Variants in NEK1 observed in about 807,000 individuals in gnomAD.
NEK1 encodes NIMA related kinase 1, also known as serine/threonine-protein kinase Nek1.
In NEK1, 137 loss-of-function variants were observed where a neutral mutation model predicts 182.1. That is an observed-to-expected ratio of 0.75 (90% confidence interval 0.65 to 0.87). NEK1 has a LOEUF of 0.87. Among genes scored for constraint, NEK1 ranks in the 40% least tolerant of loss-of-function variants. The pLI is 0.00. For synonymous variants in NEK1, 513 were observed against 492.2 expected (o/e 1.04, Z -0.56); for missense variants, 1,391 against 1,494.4 (o/e 0.93, Z 1.14).
chr4:169,608,200 T>G (rs757870537), intron 2 of NEK1, among the ~76,000 whole-genome samples: 7 of 152,018 alleles, frequency 4.6e-5, no homozygotes, highest in Non-Finnish European at 1.0e-4. Flanking sequence ...GAAAATTTGT[T>G]TGGCTTAATA....
intron 23 of NEK1, among the ~76,000 whole-genome samples, chr4:169,501,384 A>AG (rs1262939702): frequency 1.3e-5 from 2 of 151,754 alleles, no homozygotes; most frequent in East Asian, 1.9e-4. Context: ...TAAATTGGAC[A>AG]CTTGACCAGT....
rs1162454954 is a variant in NEK1, at chr4:169,477,150, A to G, written c.2408T>C (p.Leu803Pro). 7 of 1,604,128 alleles carry G rather than the reference A, an allele frequency of 4.4e-6. No homozygotes were observed. The highest frequency in any genetic ancestry group is 6.0e-6 in the Non-Finnish European group (7 of 1,174,522). Residue 803 changes from leucine (L) to proline (P), a missense_variant, in exon 26 of 36, where the codon CTA becomes CCA. This residue lies in a region of NEK1 where 1,216 missense variants were observed against 1,277.6 expected (regional missense o/e 0.95). Coordinates refer to ENST00000507142, the MANE Select transcript of NEK1 (RefSeq NM_001199397.3). ...QLVIPLDELT[L>P]DTSFSTTERH... ...TTCAGTTGTAGAGAAGGATGTATCT[A>G]GTGTTAACTCATCCAGAGGAATCAC...
At chr4:169,610,311 TTTC>T (rs1391548496) in intron 2 of NEK1, among the ~76,000 whole-genome samples, 3 of 151,478 alleles carry the variant, frequency 2.0e-5, no homozygotes, top group Admixed American at 2.0e-4. Flanking sequence ...CCAGAATTTC[TTTC>T]TTTTTTTCTT....
chr4:169,535,837 G>A (rs1172656512), intron 19 of NEK1, among the ~76,000 whole-genome samples: 2 of 145,350 alleles, frequency 1.4e-5, no homozygotes, highest in Non-Finnish European at 3.0e-5. Context: ...CCGAGACTGC[G>A]CCACTGCATT....
intron 23 of NEK1, among the ~76,000 whole-genome samples, chr4:169,496,615 G>C (rs201129897): frequency 0.14 from 19,013 of 137,768 alleles, 1,895 homozygotes; most frequent in African/African-American, 0.3. Flanking sequence ...TAGCATGAAG[G>C]GCTGTTGAAT....
chr4:169,511,674 C>T (rs1260327754), intron 19 of NEK1, among the ~76,000 whole-genome samples: 2 of 151,994 alleles, frequency 1.3e-5, no homozygotes, highest in African/African-American at 4.8e-5. Context: ...TTATTTGTGC[C>T]GTGCATCTAC....
At chr4:169,479,634 A>G (rs969039875) in intron 23 of NEK1, 100 bp from the exon 24 acceptor site, 2 of 991,238 alleles carry the variant, frequency 2.0e-6, no homozygotes, top group African/African-American at 1.7e-5. Flanking sequence ...TCTATCCACA[A>G]GTAGTTTTTT....
chr4:169,607,624 G>C (rs1382804325), intron 2 of NEK1, among the ~76,000 whole-genome samples: 1 of 151,860 alleles, frequency 6.6e-6, no homozygotes, highest in Non-Finnish European at 1.5e-5. Context: ...CACCACGCCC[G>C]GCTAATTTTT....
chr4:169,458,796 C>G (rs1406827709), intron 27 of NEK1, among the ~76,000 whole-genome samples: 2 of 149,296 alleles, frequency 1.3e-5, no homozygotes, highest in East Asian at 2.0e-4. Context: ...ACACTGCACT[C>G]CAGCCTGGGC....
At chr4:169,549,852 T>C (rs1395592162) in intron 18 of NEK1, among the ~76,000 whole-genome samples, 1 of 152,218 alleles carries the variant, frequency 6.6e-6, no homozygotes, top group Non-Finnish European at 1.5e-5. Context: ...CCTGAGTTGC[T>C]GAGATTACAG....
At position 169,599,215 on chromosome 4, in the gene NEK1, T is replaced by A. The variant is rs369722323; in HGVS notation, c.215-18A>T. On this transcript the variant is annotated intron_variant, in intron 4 of 35. Transcript: ENST00000507142. Reference sequence around the variant, plus strand: ...GCCATTTTCTACAAAATATAAACATTACAGTCCACTTTTAAAAACGTACAT... The same window carrying A: ...GCCATTTTCTACAAAATATAAACATAACAGTCCACTTTTAAAAACGTACAT... 7.1e-5 allele frequency: 109 copies of A among 1,541,564 alleles called. No individual in the cohort carries two copies. Among genetic ancestry groups the A allele is most frequent in the Non-Finnish European group, 8.5e-5 (95 of 1,122,092 alleles).
chr4:169,421,276 T>C (rs1477446425), intron 31 of NEK1, among the ~76,000 whole-genome samples: 3 of 152,204 alleles, frequency 2.0e-5, no homozygotes, highest in Non-Finnish European at 4.4e-5. Flanking sequence ...AAAAGGATAC[T>C]TCATAAACAT....
intron 16 of NEK1, 42 bp downstream of exon 16, chr4:169,561,437 AG>A (rs1463743779): frequency 6.5e-7 from 1 of 1,530,092 alleles, no homozygotes; most frequent in Admixed American, 1.7e-5. Flanking sequence ...GTGGAACTGG[AG>A]GGGAAAATGG....
At position 169,401,964 on chromosome 4, in the gene NEK1, T is replaced by C; in HGVS notation, c.3375-104A>G. ...TGAAATTTTACTTCTACTCAATACG[T>C]AGGCACTTCTTAAAAAATCCTAATA... On this transcript the variant is annotated intron_variant, in intron 32 of 35. Coordinates refer to ENST00000507142, the MANE Select transcript of NEK1 (RefSeq NM_001199397.3). The C allele has an allele frequency of 4.7e-6, 4 of 854,206 alleles. No individual in the cohort carries two copies. The South Asian group carries it at 9.1e-5, about 19-fold the overall frequency. 52.9% of individuals were successfully genotyped at this position (854,206 alleles called of 1,614,324 possible).
intron 23 of NEK1, among the ~76,000 whole-genome samples, chr4:169,496,613 AGG>A: frequency 1.3e-5 from 2 of 148,774 alleles, no homozygotes; most frequent in African/African-American, 5.2e-5. Flanking sequence ...TTTAGCATGA[AGG>A]GCTGTTGAAT....
At chr4:169,610,078 T>G (rs10030209) in intron 2 of NEK1, among the ~76,000 whole-genome samples, 1 of 150,156 alleles carries the variant, frequency 6.7e-6, no homozygotes, top group East Asian at 2.0e-4. Context: ...AATGCAATGG[T>G]GCCATTTCGG....
intron 26 of NEK1, among the ~76,000 whole-genome samples, chr4:169,472,727 C>G (rs1027154704): frequency 6.6e-6 from 1 of 152,204 alleles, no homozygotes; most frequent in Admixed American, 6.5e-5. Context: ...ACACCAGTGT[C>G]TCTCCTCATT....
At position 169,495,167 on chromosome 4, in the gene NEK1, T is replaced by C. The variant is rs528648477; in HGVS notation, c.2007+11870A>G. ...GTTTTAGACATGAAGTCCTTGCCCATGTCTATGTACTGAATGGTACTGCCT... is the reference window on the plus strand; with the variant it reads ...GTTTTAGACATGAAGTCCTTGCCCACGTCTATGTACTGAATGGTACTGCCT... On this transcript the variant is annotated intron_variant, in intron 23 of 35. Coordinates refer to ENST00000507142, the MANE Select transcript of NEK1 (RefSeq NM_001199397.3). 1.3e-4 allele frequency among the ~76,000 whole-genome samples: 19 copies of C among 151,982 alleles called. No individual in the cohort carries two copies. In the East Asian group the frequency reaches 3.7e-3, roughly 29 times the overall value.
chr4:169,438,002 T>C (rs1738740000), intron 28 of NEK1, 81 bp downstream of exon 28: 1 of 1,056,742 alleles, frequency 9.5e-7, no homozygotes, highest in Admixed American at 3.0e-5. Flanking sequence ...TATACAAATT[T>C]TGATAATCTG....
Sources: gnomAD v4.1 joint callset for allele counts (sites outside exome capture counted in the v4.1 genomes callset) on GRCh38, gnomAD v4.1.1 for gene constraint, gnomAD v4.1.1 regional missense constraint, MANE v1.5 for transcripts, NCBI Gene and HGNC (gene_info 2026-07-23, HGNC 2026-07-21) for gene names.